Variants in CCNYL1 observed in about 807,000 individuals in gnomAD.
CCNYL1 encodes cyclin-Y-like protein 1.
CCNYL1 carries 16 observed loss-of-function variants against 44.2 expected under a neutral mutation model. The observed-to-expected ratio is 0.36, with a 90% CI of 0.25 to 0.55. CCNYL1 has a LOEUF of 0.55. CCNYL1 is among the 20% of genes least tolerant of loss of function. The pLI, the probability that CCNYL1 is intolerant of heterozygous loss-of-function variation, is 0.85. For synonymous variants in CCNYL1, 159 were observed against 163.2 expected (o/e 0.97, Z 0.20); for missense variants, 348 against 451.8 (o/e 0.77, Z 2.08).
intron 9 of CCNYL1, among the ~76,000 whole-genome samples, chr2:207,752,401 G>T (rs2091900171): frequency 6.6e-6 from 1 of 151,896 alleles, no homozygotes; most frequent in Admixed American, 6.6e-5. Flanking sequence ...AATTAGCCGG[G>T]CGTGGTGGCA....
intron 3 of CCNYL1, among the ~76,000 whole-genome samples, chr2:207,728,169 G>T (rs552530069): frequency 4.6e-5 from 7 of 151,906 alleles, no homozygotes; most frequent in Non-Finnish European, 1.0e-4. Flanking sequence ...TCACCATGTT[G>T]GCCAGGCTGG....
chr2:207,748,248 T>A (rs1466746578), intron 8 of CCNYL1, among the ~76,000 whole-genome samples: 1 of 152,208 alleles, frequency 6.6e-6, no homozygotes, highest in African/African-American at 2.4e-5. Context: ...TCAGGCGGTC[T>A]GAGAAGCACT....
intron 1 of CCNYL1, among the ~76,000 whole-genome samples, chr2:207,719,268 A>T (rs1485707509): frequency 6.6e-6 from 1 of 150,526 alleles, no homozygotes; most frequent in Non-Finnish European, 1.5e-5. Flanking sequence ...TTTGTTTTAT[A>T]ATTTATTGTG....
chr2:207,748,289 C>T (rs72962187), intron 8 of CCNYL1, among the ~76,000 whole-genome samples: 1,565 of 152,278 alleles, frequency 0.01, 18 homozygotes, highest in Non-Finnish European at 0.013. Flanking sequence ...TCACCACACT[C>T]GAGAGGCTCC....
At chr2:207,729,060 G>A (rs1049495894) in intron 3 of CCNYL1, among the ~76,000 whole-genome samples, 1 of 152,170 alleles carries the variant, frequency 6.6e-6, no homozygotes, top group Non-Finnish European at 1.5e-5. Flanking sequence ...GCGTCCCAAA[G>A]TGTTGGGATT....
At chr2:207,722,179 T>G (rs2551952) in intron 1 of CCNYL1, among the ~76,000 whole-genome samples, 23,454 of 151,542 alleles carry the variant, frequency 0.15, 2,978 homozygotes, top group East Asian at 0.38. Flanking sequence ...TTCAAGCGAT[T>G]CTTCTGCTTC....
At chr2:207,739,183 A>G (rs190796586) in intron 5 of CCNYL1, among the ~76,000 whole-genome samples, 2 of 152,192 alleles carry the variant, frequency 1.3e-5, no homozygotes, top group Non-Finnish European at 2.9e-5. Context: ...TATCATTGCA[A>G]CAAATAGTGT....
At position 207,746,706 on chromosome 2, in the gene CCNYL1, G is replaced by A. The variant is rs376448436; in HGVS notation, c.640-341G>A. ...TTATCAAAGCATTTCGGGGCCGGGC[G>A]CGGTGGCTTACGCCTGTAATCCCAA... is the stretch of plus-strand genomic sequence containing the variant. On this transcript the variant is annotated intron_variant, in intron 7 of 9. Coordinates refer to ENST00000295414, the MANE Select transcript of CCNYL1 (RefSeq NM_001330218.2). 5.8e-4 allele frequency among the ~76,000 whole-genome samples: 88 copies of A among 152,326 alleles called. 2 individuals are homozygous for A. Among genetic ancestry groups the A allele is most frequent in the African/African-American group, 1.9e-3 (77 of 41,572 alleles).
At chr2:207,750,745 C>G (rs2091885324) in intron 8 of CCNYL1, 1 of 472,750 alleles carries the variant, frequency 2.1e-6, no homozygotes, top group Non-Finnish European at 3.7e-6. Flanking sequence ...CCGTAACCTT[C>G]AACCTTCATC....
chr2:207,735,731 G>A (rs919535696), intron 4 of CCNYL1, among the ~76,000 whole-genome samples: 29 of 152,270 alleles, frequency 1.9e-4, no homozygotes, highest in African/African-American at 7.0e-4. Context: ...GCCAAGCGTG[G>A]TGGCGTGCAC....
chr2:207,734,789 T>G (rs1026775724), intron 4 of CCNYL1, among the ~76,000 whole-genome samples: 1 of 152,104 alleles, frequency 6.6e-6, no homozygotes, highest in African/African-American at 2.4e-5. Context: ...TTTTAGTTAA[T>G]TCAATTGTCA....
intron 3 of CCNYL1, among the ~76,000 whole-genome samples, chr2:207,729,369 CTT>C (rs1052903105): frequency 1.3e-5 from 2 of 149,086 alleles, no homozygotes; most frequent in African/African-American, 4.9e-5. Flanking sequence ...TCTATTGAAT[CTT>C]TCATCTTTTT....
At chr2:207,753,388 T>A (rs1293967462) in intron 9 of CCNYL1, among the ~76,000 whole-genome samples, 200 bp from the exon 10 acceptor site, 1 of 152,196 alleles carries the variant, frequency 6.6e-6, no homozygotes, top group Admixed American at 6.5e-5. Context: ...AATCTAACCA[T>A]AGCCCTTAAA....
chr2:207,714,171 A>C (rs2091574733), intron 1 of CCNYL1, among the ~76,000 whole-genome samples: 1 of 152,206 alleles, frequency 6.6e-6, no homozygotes, highest in Non-Finnish European at 1.5e-5. Flanking sequence ...TACCAAGTTC[A>C]GTTCTTAAAA....
In CCNYL1 at chr2:207,755,193, A is replaced by G. The variant is rs986125310; in HGVS notation, c.*1495A>G. 1 of 152,154 alleles carries G rather than the reference A, an allele frequency of 6.6e-6. No homozygotes were observed. The highest frequency in any genetic ancestry group is 2.4e-5 in the African/African-American group (1 of 41,434). 9.4% of individuals were successfully genotyped at this position (152,154 alleles called of 1,614,324 possible). A position where few individuals can be genotyped will look rare whatever the true frequency, so the allele number is the denominator to read the frequency against. On this transcript the variant is annotated 3_prime_UTR_variant, in exon 10 of 10. Coordinates refer to ENST00000295414, the MANE Select transcript of CCNYL1 (RefSeq NM_001330218.2). ...CAGGAGTTCAAGACCAGTCTAGGCA[A>G]CATAGTGAGACCCTGCCTGTAAAAA... is the stretch of plus-strand genomic sequence containing the variant.
At chr2:207,749,744 A>G (rs1251848655) in intron 8 of CCNYL1, among the ~76,000 whole-genome samples, 2 of 152,224 alleles carry the variant, frequency 1.3e-5, no homozygotes, top group Non-Finnish European at 2.9e-5. Context: ...GGACATATGA[A>G]CAGGAAATTA....
chr2:207,743,136 T>C (rs1244896348), intron 7 of CCNYL1, among the ~76,000 whole-genome samples: 1 of 152,202 alleles, frequency 6.6e-6, no homozygotes, highest in Non-Finnish European at 1.5e-5. Context: ...TTCTGTGCAC[T>C]TGAATAGAAG....
chr2:207,714,533 C>T (rs2091578284), intron 1 of CCNYL1: 1 of 281,890 alleles, frequency 3.5e-6, no homozygotes. Context: ...CCTAAATATA[C>T]CCATCAAATA....
chr2:207,726,083 AAGC>A (rs2091678007), intron 2 of CCNYL1, among the ~76,000 whole-genome samples: 1 of 152,184 alleles, frequency 6.6e-6, no homozygotes, highest in Admixed American at 6.5e-5. Context: ...CAGAGTGTGG[AAGC>A]AGTAAAAGAA....
Sources: gnomAD v4.1 joint callset for allele counts (sites outside exome capture counted in the v4.1 genomes callset) on GRCh38, gnomAD v4.1.1 for gene constraint, MANE v1.5 for transcripts, NCBI Gene and HGNC (gene_info 2026-07-23, HGNC 2026-07-21) for gene names.